The following JARID2 variants were observed in gnomAD, a reference collection of about 807,000 sequenced individuals.
JARID2 encodes the protein protein Jumonji.
A neutral mutation model predicts 125.6 loss-of-function variants in JARID2; 21 were observed. That is an observed-to-expected ratio of 0.17 (90% CI 0.12 to 0.24). The LOEUF is 0.24. Ranked by LOEUF, JARID2 falls within the 10% of genes least tolerant of loss-of-function variation. The probability of loss-of-function intolerance (pLI) is 1.00; values close to 1 mark genes in which losing one functional copy is unlikely to be tolerated. For synonymous variants in JARID2, 736 were observed against 661.6 expected, an observed-to-expected ratio of 1.11 and a Z score of -1.73; for missense variants, 1,303 against 1,639.6, an observed-to-expected ratio of 0.79 and a Z score of 3.55.
intron 1 of JARID2, among the ~76,000 whole-genome samples, chr6:15,249,575 C>G (rs746824418): frequency 1.3e-5 from 2 of 152,174 alleles, no homozygotes; most frequent in African/African-American, 4.8e-5. Flanking sequence ...CTGAAAAGAT[C>G]ATGTGCATGG....
At chr6:15,317,806 C>T (rs991127588) in intron 1 of JARID2, among the ~76,000 whole-genome samples, 2 of 152,196 alleles carry the variant, frequency 1.3e-5, no homozygotes, top group Non-Finnish European at 2.9e-5. Flanking sequence ...TGGCGTTGCA[C>T]ACAGCTGGCG....
intron 3 of JARID2, among the ~76,000 whole-genome samples, chr6:15,420,796 T>C (rs1766452274): frequency 6.6e-6 from 1 of 152,244 alleles, no homozygotes; most frequent in Non-Finnish European, 1.5e-5. Flanking sequence ...TGTGAGGCAT[T>C]GTTTCCCTGC....
intron 4 of JARID2, among the ~76,000 whole-genome samples, chr6:15,455,310 A>G (rs1218843536): frequency 1.3e-5 from 2 of 151,844 alleles, no homozygotes; most frequent in South Asian, 2.1e-4. Context: ...TATGGGTCAC[A>G]TGATGATTTT....
chr6:15,519,971 G>A lies in JARID2; in HGVS notation c.3559-98G>A, dbSNP rs955700828. The stretch of plus-strand genomic sequence containing the variant: ...GTTGGTTGGTGTGGTGAAGGGGACC[G>A]CTGCCCTCTGCCCTAAACTTGCCCC... On this transcript the variant is annotated intron_variant, in intron 17 of 17. Coordinates refer to ENST00000341776, the MANE Select transcript of JARID2 (RefSeq NM_004973.4). 8.4e-5 allele frequency: 77 copies of A among 916,086 alleles called. 2 individuals carry two copies. The South Asian group carries it at 1.2e-3, about 14-fold the overall frequency. 56.7% of individuals were successfully genotyped at this position (916,086 alleles called of 1,614,324 possible).
intron 1 of JARID2, among the ~76,000 whole-genome samples, chr6:15,344,685 TA>T: frequency 6.6e-6 from 1 of 152,304 alleles, no homozygotes; most frequent in Non-Finnish European, 1.5e-5. Flanking sequence ...CTTTTTATTT[TA>T]CCTTCTTTAT....
At chr6:15,298,357 A>G (rs1228147336) in intron 1 of JARID2, among the ~76,000 whole-genome samples, 2 of 152,102 alleles carry the variant, frequency 1.3e-5, no homozygotes, top group African/African-American at 4.8e-5. Flanking sequence ...TAAGGTTCCC[A>G]AGAGCACTCA....
At position 15,324,009 on chromosome 6, in the gene JARID2, T is replaced by C. The variant is rs199714009; in HGVS notation, c.46-50108T>C. 1.0e-3 allele frequency among the ~76,000 whole-genome samples: 157 copies of C among 150,504 alleles called. 1 individual carries two copies. The East Asian group carries it at 0.02, about 19-fold the overall frequency. Reference sequence around the variant, plus strand: ...CATCCTGGCTAACATGGTGAAACCCTGTCTCTACTAAAAATACAAAAAATT... The same window carrying C: ...CATCCTGGCTAACATGGTGAAACCCCGTCTCTACTAAAAATACAAAAAATT... On this transcript the variant is annotated intron_variant, in intron 1 of 17. Transcript: ENST00000341776.
At chr6:15,401,040 C>A (rs1485181947) in intron 2 of JARID2, 2 of 1,289,178 alleles carry the variant, frequency 1.6e-6, no homozygotes, top group African/African-American at 3.0e-5. Flanking sequence ...AAATAAAAGA[C>A]AAACCAAATA....
chr6:15,519,533 T>C lies in JARID2; in HGVS notation c.3559-536T>C, dbSNP rs1393453616. 2.0e-5 allele frequency among the ~76,000 whole-genome samples: 3 copies of C among 152,202 alleles called. No individual in the cohort carries two copies. The East Asian group carries it at 5.8e-4, about 29-fold the overall frequency. On this transcript the variant is annotated intron_variant, in intron 17 of 17. Transcript: ENST00000341776. ...TTTGCTACTCCTCCCCATGTTGTTT[T>C]TAAAAATGATATGATTATAGGATGT... is the stretch of plus-strand genomic sequence containing the variant.
chr6:15,305,104 C>T (rs958351259), intron 1 of JARID2, among the ~76,000 whole-genome samples: 14 of 152,172 alleles, frequency 9.2e-5, no homozygotes, highest in African/African-American at 3.4e-4. Flanking sequence ...TTCTTGCCTG[C>T]AGTTTCCAGC....
At chr6:15,436,631 G>A (rs945504367) in intron 3 of JARID2, among the ~76,000 whole-genome samples, 1 of 152,096 alleles carries the variant, frequency 6.6e-6, no homozygotes, top group Non-Finnish European at 1.5e-5. Context: ...CCTCTACCCA[G>A]CTTTTCCCTC....
intron 8 of JARID2, among the ~76,000 whole-genome samples, chr6:15,503,256 C>T (rs1283570765): frequency 2.0e-5 from 3 of 152,220 alleles, no homozygotes; most frequent in African/African-American, 7.2e-5. Flanking sequence ...ACTCATTGCA[C>T]TCTGCCTTGG....
intron 2 of JARID2, among the ~76,000 whole-genome samples, chr6:15,378,429 C>T (rs1048618774): frequency 5.3e-5 from 8 of 152,028 alleles, no homozygotes; most frequent in African/African-American, 1.9e-4. Flanking sequence ...GCTTCTGCCT[C>T]TGTGTCCTCT....
chr6:15,289,859 T>TA (rs1761141592), intron 1 of JARID2, among the ~76,000 whole-genome samples: 1 of 151,876 alleles, frequency 6.6e-6, no homozygotes, highest in Non-Finnish European at 1.5e-5. Context: ...AAAACAAAAA[T>TA]AAAAAACATG....
intron 1 of JARID2, among the ~76,000 whole-genome samples, chr6:15,250,169 A>G: frequency 6.6e-6 from 1 of 152,214 alleles, no homozygotes; most frequent in East Asian, 1.9e-4. Flanking sequence ...TGTAAGTTTT[A>G]AGTATCTAAT....
At chr6:15,509,106 C>A (rs1035860274) in intron 12 of JARID2, 3 of 1,288,986 alleles carry the variant, frequency 2.3e-6, no homozygotes, top group Non-Finnish European at 3.0e-6. Flanking sequence ...TCTGGGTCCC[C>A]GCCTGTAATC....
At chr6:15,369,501 G>C (rs1002964016) in intron 1 of JARID2, among the ~76,000 whole-genome samples, 4 of 152,198 alleles carry the variant, frequency 2.6e-5, no homozygotes, top group African/African-American at 7.2e-5. Context: ...TGGGGTGCTT[G>C]GTTTTGTGGG....
intron 16 of JARID2, among the ~76,000 whole-genome samples, chr6:15,515,304 G>A (rs1190168509): frequency 1.3e-5 from 2 of 152,048 alleles, no homozygotes; most frequent in African/African-American, 4.8e-5. Context: ...GGGCCACTGC[G>A]CCCAGCTGTC....
chr6:15,495,970 C>T (rs968313535), intron 6 of JARID2, among the ~76,000 whole-genome samples, 162 bp from the exon 7 acceptor site: 3 of 152,210 alleles, frequency 2.0e-5, no homozygotes, highest in Non-Finnish European at 4.4e-5. Flanking sequence ...GTGTATTTTG[C>T]TTCTCTTTGC....
Sources: gnomAD v4.1 joint callset for allele counts (sites outside exome capture counted in the v4.1 genomes callset) on GRCh38, gnomAD v4.1.1 for gene constraint, MANE v1.5 for transcripts, NCBI Gene and HGNC (gene_info 2026-07-23, HGNC 2026-07-21) for gene names.